SLC24A3: variants seen among roughly 807,000 people sequenced by gnomAD.
The protein encoded by SLC24A3 is solute carrier family 24 member 3.
A neutral mutation model predicts 75.8 loss-of-function variants in SLC24A3; 28 were observed. The observed-to-expected ratio is 0.37, with a 90% CI of 0.27 to 0.51. SLC24A3 has a LOEUF of 0.51. Among genes scored for constraint, SLC24A3 ranks in the 20% least tolerant of loss-of-function variants. SLC24A3 has a pLI of 0.94. For missense variants in SLC24A3, 663 were observed against 847.8 expected, an observed-to-expected ratio of 0.78 and a Z score of 2.71; for synonymous variants, 372 against 334.1, an observed-to-expected ratio of 1.11 and a Z score of -1.24.
chr20:19,289,657 A>G (rs1983893630), intron 2 of SLC24A3, among the ~76,000 whole-genome samples: 1 of 152,164 alleles, frequency 6.6e-6, no homozygotes, highest in Non-Finnish European at 1.5e-5. Context: ...GATAAGCCAC[A>G]TAGTGCTGCT....
At chr20:19,581,516 G>A (rs952690753) in intron 4 of SLC24A3, among the ~76,000 whole-genome samples, 6 of 152,218 alleles carry the variant, frequency 3.9e-5, no homozygotes, top group Admixed American at 3.3e-4. Context: ...GAGGGCAGGT[G>A]TGAGTCTTTT....
intron 2 of SLC24A3, among the ~76,000 whole-genome samples, chr20:19,368,593 G>A (rs987789713): frequency 6.6e-6 from 1 of 152,172 alleles, no homozygotes; most frequent in Non-Finnish European, 1.5e-5. Context: ...TCTCCTTCCT[G>A]CATGCTCAGG....
At chr20:19,511,359 G>C (rs866050987) in intron 2 of SLC24A3, among the ~76,000 whole-genome samples, 7 of 145,488 alleles carry the variant, frequency 4.8e-5, no homozygotes, top group South Asian at 2.2e-4. Flanking sequence ...ATGGAGTCTC[G>C]CTCTGTCACC....
At chr20:19,362,573 C>A (rs11905696) in intron 2 of SLC24A3, among the ~76,000 whole-genome samples, 2 of 152,162 alleles carry the variant, frequency 1.3e-5, no homozygotes, top group African/African-American at 4.8e-5. Flanking sequence ...GTCACCATGA[C>A]GTTTCTGTGA....
chr20:19,404,887 C>A (rs368023758), intron 2 of SLC24A3, among the ~76,000 whole-genome samples: 1 of 152,156 alleles, frequency 6.6e-6, no homozygotes, highest in Non-Finnish European at 1.5e-5. Context: ...TTCCTGGTTT[C>A]TTTCAAGCCT....
intron 2 of SLC24A3, among the ~76,000 whole-genome samples, chr20:19,364,968 A>G (rs80158297): frequency 0.021 from 3,226 of 152,274 alleles, 107 homozygotes; most frequent in African/African-American, 0.072. Context: ...AAGTTCACCC[A>G]GGGATGCATC....
At chr20:19,596,269 A>G (rs1353311677) in intron 6 of SLC24A3, among the ~76,000 whole-genome samples, 2 of 152,136 alleles carry the variant, frequency 1.3e-5, no homozygotes, top group Non-Finnish European at 2.9e-5. Context: ...TAAAGATAAG[A>G]AGTGGTTGCT....
At chr20:19,216,568 C>G (rs1203540334) in intron 1 of SLC24A3, among the ~76,000 whole-genome samples, 1 of 151,920 alleles carries the variant, frequency 6.6e-6, no homozygotes, top group African/African-American at 2.4e-5. Context: ...ATCATTGTAC[C>G]ACTGTACCCC....
chr20:19,690,264 A>G (rs184041734), intron 12 of SLC24A3, among the ~76,000 whole-genome samples: 3 of 152,320 alleles, frequency 2.0e-5, no homozygotes, highest in Admixed American at 2.0e-4. Flanking sequence ...ATTGAAAATG[A>G]TGTTTTCCAG....
intron 6 of SLC24A3, among the ~76,000 whole-genome samples, chr20:19,596,037 G>A (rs2031448510): frequency 6.6e-6 from 1 of 152,154 alleles, no homozygotes; most frequent in Non-Finnish European, 1.5e-5. Context: ...TCAGAGAGGT[G>A]GTAGCCAGGG....
At chr20:19,311,989 G>A (rs901042349) in intron 2 of SLC24A3, among the ~76,000 whole-genome samples, 16 of 152,002 alleles carry the variant, frequency 1.1e-4, no homozygotes, top group Non-Finnish European at 1.9e-4. Flanking sequence ...GAATCCATTC[G>A]CTGCTCTTGT....
At chr20:19,325,818 AGAGAGAGAGAGAGAGAGAGAGG>A (rs1171305871) in intron 2 of SLC24A3, among the ~76,000 whole-genome samples, 2,809 of 118,054 alleles carry the variant, frequency 0.024, 178 homozygotes, top group African/African-American at 0.096. Context: ...AGAGAGAGAG[AGAGAGAGAGAGAGAGAGAGAGG>A]GAGACATCTG....
chr20:19,708,175 G>A (rs2032949984), intron 15 of SLC24A3, among the ~76,000 whole-genome samples: 1 of 152,008 alleles, frequency 6.6e-6, no homozygotes. Flanking sequence ...TTCTTCTAAG[G>A]CCAGCGCTTT....
At chr20:19,266,532 C>T (rs921665476) in intron 1 of SLC24A3, among the ~76,000 whole-genome samples, 3 of 152,180 alleles carry the variant, frequency 2.0e-5, no homozygotes, top group Admixed American at 1.3e-4. Context: ...TGAGAGAAAA[C>T]AGCAGACAAT....
intron 1 of SLC24A3, among the ~76,000 whole-genome samples, chr20:19,214,380 T>G (rs1981495639): frequency 6.6e-6 from 1 of 152,220 alleles, no homozygotes; most frequent in African/African-American, 2.4e-5. Flanking sequence ...GCCAGACTTC[T>G]GTCTACTGAC....
chr20:19,264,392 G>A (rs1190257516), intron 1 of SLC24A3, among the ~76,000 whole-genome samples: 5 of 152,194 alleles, frequency 3.3e-5, no homozygotes, highest in East Asian at 1.9e-4. Context: ...CCAAGCATAC[G>A]CTATGTGTCT....
chr20:19,267,635 CAT>C (rs1481943000), intron 1 of SLC24A3, among the ~76,000 whole-genome samples: 1 of 151,730 alleles, frequency 6.6e-6, no homozygotes, highest in African/African-American at 2.4e-5. Flanking sequence ...TTAAGTGGAA[CAT>C]ACACGTTTTT....
intron 12 of SLC24A3, 117 bp downstream of exon 12, chr20:19,685,478 A>T: frequency 6.8e-7 from 1 of 1,481,320 alleles, no homozygotes; most frequent in South Asian, 1.3e-5. Flanking sequence ...TATGAACATG[A>T]GACTATGTAT....
At chr20:19,478,402 T>C (rs146249239) in intron 2 of SLC24A3, among the ~76,000 whole-genome samples, 12 of 152,340 alleles carry the variant, frequency 7.9e-5, no homozygotes, top group African/African-American at 2.9e-4. Context: ...GCTATGGTTT[T>C]TTTCTTATAT....
Sources: allele counts gnomAD v4.1 joint callset (sites outside exome capture counted in the v4.1 genomes callset), GRCh38; gene constraint gnomAD v4.1.1; transcripts MANE v1.5; gene names NCBI Gene and HGNC (gene_info 2026-07-23, HGNC 2026-07-21).